The following RBFOX1 variants were observed in gnomAD, a reference collection of about 807,000 sequenced individuals.
The protein encoded by RBFOX1 is RNA binding protein fox-1 homolog 1.
In RBFOX1, 8 loss-of-function variants were observed where a neutral mutation model predicts 57.7. The ratio of observed to expected loss-of-function variants is 0.14; its 90% CI spans 0.08 to 0.25. RBFOX1 has a LOEUF of 0.25. Ranked by LOEUF, RBFOX1 falls within the 10% of genes least tolerant of loss-of-function variation. RBFOX1 has a pLI of 1.00. For synonymous variants in RBFOX1, 326 were observed against 222.4 expected (o/e 1.47, Z -4.15); for missense variants, 611 against 548.5 (o/e 1.11, Z -1.14).
chr16:7,656,288 G>A (rs535687763), intron 12 of RBFOX1, among the ~76,000 whole-genome samples: 153 of 152,284 alleles, frequency 1.0e-3, no homozygotes, highest in African/African-American at 3.6e-3. Flanking sequence ...AGACTCCTGG[G>A]AATGAATTGG....
At chr16:7,152,074 G>A (rs1205338886) in intron 4 of RBFOX1, among the ~76,000 whole-genome samples, 3 of 152,180 alleles carry the variant, frequency 2.0e-5, no homozygotes, top group African/African-American at 7.2e-5. Context: ...GACAGTCCCT[G>A]TATTGAAGCA....
At chr16:6,893,328 CAT>C (rs2065969028) in intron 3 of RBFOX1, among the ~76,000 whole-genome samples, 1 of 152,140 alleles carries the variant, frequency 6.6e-6, no homozygotes, top group South Asian at 2.1e-4. Flanking sequence ...AGATCAAACT[CAT>C]ATAGGTCATC....
intron 1 of RBFOX1, among the ~76,000 whole-genome samples, chr16:6,137,354 G>A (rs1314766133): frequency 1.3e-5 from 2 of 152,120 alleles, no homozygotes; most frequent in Non-Finnish European, 2.9e-5. Context: ...GCCCAGGGTG[G>A]AGTGTAGTGG....
intron 2 of RBFOX1, among the ~76,000 whole-genome samples, chr16:6,556,992 C>CATACATATAT (rs71145247): frequency 0.014 from 1,895 of 139,946 alleles, 57 homozygotes; most frequent in South Asian, 0.069. Flanking sequence ...CGTATATATA[C>CATACATATAT]ATACATATAT....
At chr16:6,814,971 A>C (rs1409665542) in intron 3 of RBFOX1, among the ~76,000 whole-genome samples, 2 of 152,202 alleles carry the variant, frequency 1.3e-5, no homozygotes. Context: ...CTACAGGCAG[A>C]GCAGTGGTAT....
At chr16:6,852,989 T>G (rs1196404168) in intron 3 of RBFOX1, among the ~76,000 whole-genome samples, 2 of 152,200 alleles carry the variant, frequency 1.3e-5, no homozygotes, top group Non-Finnish European at 2.9e-5. Flanking sequence ...CAGCACCCTA[T>G]GGATGGACAA....
intron 2 of RBFOX1, among the ~76,000 whole-genome samples, chr16:6,392,646 AC>A (rs1019688145): frequency 6.6e-6 from 1 of 152,024 alleles, no homozygotes. Context: ...GGACTAATAG[AC>A]CCCCCTAATG....
intron 3 of RBFOX1, among the ~76,000 whole-genome samples, chr16:5,702,861 T>C (rs2051101819): frequency 6.6e-6 from 1 of 152,204 alleles, no homozygotes; most frequent in African/African-American, 2.4e-5. Flanking sequence ...TCTATGCCCA[T>C]ATGAAAGGTC....
At chr16:5,824,429 C>G (rs938031133) in intron 3 of RBFOX1, among the ~76,000 whole-genome samples, 4 of 152,112 alleles carry the variant, frequency 2.6e-5, no homozygotes, top group South Asian at 2.1e-4. Context: ...AAAAGGCTAT[C>G]TGGTGTCTCC....
intron 4 of RBFOX1, among the ~76,000 whole-genome samples, chr16:7,103,630 C>A (rs1387765024): frequency 2.6e-5 from 4 of 152,124 alleles, no homozygotes; most frequent in Non-Finnish European, 5.9e-5. Flanking sequence ...CACCTCTCTG[C>A]AGTTTATAGT....
chr16:7,630,668 G>C lies in RBFOX1; in HGVS notation c.742G>C (p.Val248Leu), dbSNP rs757319815. 1.2e-6 allele frequency: 2 copies of C among 1,614,140 alleles called. No homozygotes were observed. Among genetic ancestry groups the C allele is most frequent in the Non-Finnish European group, 1.7e-6 (2 of 1,180,018 alleles). ...CATGTACAGTGCCCCCAGTTCACTT[G>C]TATATACTTCTGCAAGTAAGCCCAC... ...SSMYSAPSSL[V>L]YTSAMPGFPY... The change falls in exon 11 of 16, where the codon GTA (valine) becomes CTA (leucine). Residue 248 changes from valine to leucine, a missense_variant. This residue lies in a region of RBFOX1 where 267 missense variants were observed against 229.1 expected (regional missense o/e 1.17). Transcript: ENST00000550418.
chr16:6,997,868 C>T (rs7191349), intron 3 of RBFOX1, among the ~76,000 whole-genome samples: 117,981 of 151,998 alleles, frequency 0.78, 46,174 homozygotes, highest in East Asian at 0.98. Flanking sequence ...ATCAGAACAC[C>T]AGTTTAATTG....
intron 3 of RBFOX1, among the ~76,000 whole-genome samples, chr16:5,672,290 A>T (rs779682750): frequency 6.6e-6 from 1 of 152,114 alleles, no homozygotes; most frequent in African/African-American, 2.4e-5. Context: ...TGAATTACAG[A>T]TCAATAAACC....
intron 2 of RBFOX1, among the ~76,000 whole-genome samples, chr16:6,457,846 A>G (rs117194960): frequency 0.01 from 1,598 of 152,286 alleles, 13 homozygotes; most frequent in Admixed American, 0.018. Flanking sequence ...GCGCCTTGGA[A>G]TAAAAAGTGG....
At chr16:7,183,345 A>G (rs1360469848) in intron 4 of RBFOX1, among the ~76,000 whole-genome samples, 1 of 152,146 alleles carries the variant, frequency 6.6e-6, no homozygotes, top group South Asian at 2.1e-4. Flanking sequence ...CTCAAATTTG[A>G]CAGAAGAAAC....
At chr16:6,798,760 T>C (rs1335950113) in intron 3 of RBFOX1, among the ~76,000 whole-genome samples, 1 of 152,128 alleles carries the variant, frequency 6.6e-6, no homozygotes, top group East Asian at 1.9e-4. Context: ...ATGGAACAAA[T>C]GGAGTAAAAG....
Position 5,758,778 on chromosome 16 carries a change from T to C in RBFOX1, c.319-108525T>C, listed in dbSNP as rs148272855. 3.2e-3 allele frequency among the ~76,000 whole-genome samples: 480 copies of C among 152,198 alleles called. 4 individuals carry two copies. The highest frequency in any genetic ancestry group is 0.017 in the Middle Eastern group (5 of 294). ...TAATCCAAGACCTTCACTTTTTGGA[T>C]AGGGTGGGAGAAAGGTTATGAATGC... is the stretch of plus-strand genomic sequence containing the variant. On this transcript the variant is annotated intron_variant, in intron 3 of 19. Transcript: ENST00000641259.
intron 1 of RBFOX1, chr16:5,261,072 G>A (rs2062719958): frequency 6.6e-6 from 1 of 152,118 alleles, no homozygotes; most frequent in Admixed American, 6.5e-5. Flanking sequence ...AGGTAGTTAG[G>A]GAGGAAAATA....
chr16:5,415,320 G>C (rs1220702004), intron 1 of RBFOX1, among the ~76,000 whole-genome samples: 3 of 152,148 alleles, frequency 2.0e-5, no homozygotes, highest in Non-Finnish European at 2.9e-5. Flanking sequence ...AAAACGACCA[G>C]CTCTGGTGAG....
Sources: allele counts gnomAD v4.1 joint callset (sites outside exome capture counted in the v4.1 genomes callset), GRCh38; gene constraint gnomAD v4.1.1; regional missense constraint gnomAD v4.1.1; transcripts MANE v1.5; gene names NCBI Gene and HGNC (gene_info 2026-07-23, HGNC 2026-07-21).